Variants in SLC10A6 observed in about 807,000 individuals in gnomAD.
SLC10A6 encodes the protein sodium-dependent organic anion transporter.
SLC10A6 carries 27 observed loss-of-function variants against 30.0 expected under a neutral mutation model. The observed-to-expected ratio is 0.90, with a 90% CI of 0.66 to 1.24. SLC10A6 has a LOEUF of 1.24. Ranked by LOEUF, SLC10A6 falls within the 50% of genes most tolerant of loss-of-function variation. The probability of loss-of-function intolerance (pLI) is 0.00; values close to 1 mark genes in which losing one functional copy is unlikely to be tolerated. For missense variants in SLC10A6, 439 were observed against 457.0 expected (o/e 0.96, Z 0.36); for synonymous variants, 166 against 173.8 (o/e 0.95, Z 0.36).
rs560447805 is a variant in SLC10A6, at chr4:86,839,909, T to A, written c.378-6485A>T. Among the ~76,000 whole-genome samples the A allele has an allele frequency of 1.3e-4, 20 of 150,964 alleles. No homozygotes were observed. The South Asian group carries it at 1.7e-3, about 13-fold the overall frequency. On this transcript the variant is annotated intron_variant, in intron 1 of 5. Coordinates refer to ENST00000273905, the MANE Select transcript of SLC10A6 (RefSeq NM_197965.3). Reference sequence around the variant, plus strand: ...TCACTCTTGTTACACTCTTATTTTTTTTTTTTATTTTTTTTTTTTAGCTGG... The same window carrying A: ...TCACTCTTGTTACACTCTTATTTTTATTTTTTATTTTTTTTTTTTAGCTGG...
chr4:86,833,546 C>T, intron 1 of SLC10A6, 122 bp from the exon 2 acceptor site: 1 of 643,244 alleles, frequency 1.6e-6, no homozygotes, highest in Non-Finnish European at 2.7e-6. Flanking sequence ...CTCCTTGGAG[C>T]TCATTTCTCT....
At chr4:86,842,707 A>AAAAAAG (rs1553899546) in intron 1 of SLC10A6, among the ~76,000 whole-genome samples, 1 of 87,608 alleles carries the variant, frequency 1.1e-5, no homozygotes, top group African/African-American at 4.8e-5. Context: ...CAAAAAAAAA[A>AAAAAAG]AAAAGAAAAG....
intron 1 of SLC10A6, among the ~76,000 whole-genome samples, chr4:86,842,847 T>TTTCTTTCTTTCTTTCG (rs1560461874): frequency 5.6e-5 from 3 of 53,816 alleles, no homozygotes; most frequent in African/African-American, 1.4e-4. Context: ...TCTTTCTTTC[T>TTTCTTTCTTTCTTTCG]TTCTTTCTTT....
In SLC10A6 at chr4:86,831,788, T is replaced by C. The variant is rs1254660216; in HGVS notation, c.585+4A>G. The C allele has an allele frequency of 1.9e-6, 3 of 1,611,162 alleles. No individual in the cohort carries two copies. Among genetic ancestry groups the C allele is most frequent in the Admixed American group, 1.7e-5 (1 of 59,934 alleles). On this transcript the variant is annotated splice_donor_region_variant and intron_variant, in intron 3 of 5. Coordinates refer to ENST00000273905, the MANE Select transcript of SLC10A6 (RefSeq NM_197965.3). The stretch of plus-strand genomic sequence containing the variant: ...GTGCCAACAGTGGCCATGAAGTCAC[T>C]CACCTTGAGAATGATTTTGGATTGT...
intron 1 of SLC10A6, 97 bp from the exon 2 acceptor site, chr4:86,833,521 A>T (rs1746124866): frequency 1.2e-6 from 1 of 844,884 alleles, no homozygotes; most frequent in Non-Finnish European, 2.0e-6. Context: ...TTTCCTAGAG[A>T]TTACATGGAC....
chr4:86,839,677 T>C (rs1746258011), intron 1 of SLC10A6, among the ~76,000 whole-genome samples: 2 of 152,248 alleles, frequency 1.3e-5, no homozygotes, highest in African/African-American at 2.4e-5. Flanking sequence ...AATGTTATAA[T>C]AAACACTCTC....
At chr4:86,837,961 G>C (rs1373192077) in intron 1 of SLC10A6, among the ~76,000 whole-genome samples, 1 of 152,130 alleles carries the variant, frequency 6.6e-6, no homozygotes, top group Non-Finnish European at 1.5e-5. Flanking sequence ...GCACTTTATT[G>C]GGTCTACAAG....
chr4:86,838,273 A>T (rs1746232372), intron 1 of SLC10A6, among the ~76,000 whole-genome samples: 1 of 152,188 alleles, frequency 6.6e-6, no homozygotes, highest in South Asian at 2.1e-4. Flanking sequence ...ACATTGGCTC[A>T]TGAATTATAC....
chr4:86,827,633 C>T lies in SLC10A6; in HGVS notation c.761+360G>A, dbSNP rs543542232. ...AAAGAACTAAAATTATCCTTAATTTCGCTACTCAAAATTAAACATTGTTAC... is the reference window on the plus strand; with the variant it reads ...AAAGAACTAAAATTATCCTTAATTTTGCTACTCAAAATTAAACATTGTTAC... On this transcript the variant is annotated intron_variant, in intron 4 of 5. Coordinates refer to ENST00000273905, the MANE Select transcript of SLC10A6 (RefSeq NM_197965.3). Among the ~76,000 whole-genome samples, 216 of 152,190 alleles carry T rather than the reference C, an allele frequency of 1.4e-3. 1 individual carries two copies. The highest frequency in any genetic ancestry group is 5.1e-3 in the African/African-American group (210 of 41,504).
At chr4:86,838,849 G>A (rs1276557218) in intron 1 of SLC10A6, among the ~76,000 whole-genome samples, 1 of 150,478 alleles carries the variant, frequency 6.6e-6, no homozygotes, top group African/African-American at 2.5e-5. Context: ...CTTGAGCCTG[G>A]GAGATGGAGG....
intron 2 of SLC10A6, 38 bp downstream of exon 2, chr4:86,833,268 A>G (rs1578755894): frequency 1.4e-6 from 2 of 1,454,452 alleles, no homozygotes; most frequent in Non-Finnish European, 9.6e-7. Flanking sequence ...TATCATCACC[A>G]TTACTGTTAG....
At position 86,848,953 on chromosome 4, in the gene SLC10A6, TCTCCAC is replaced by T; in HGVS notation, c.157_162del (p.Val53_Glu54del). 2 of 1,614,058 alleles carry T rather than the reference TCTCCAC, an allele frequency of 1.2e-6. No individual in the cohort carries two copies. The highest frequency in any genetic ancestry group is 1.7e-6 in the Non-Finnish European group (2 of 1,180,004). On this transcript the variant is annotated inframe_deletion, in exon 1 of 6. Transcript: ENST00000273905. ...CTGATGTGCGACCACAGCTTCCGGATCTCCACGGAACATCCCAAAGAGAACATGAGC... is the reference window on the plus strand; with the variant it reads ...CTGATGTGCGACCACAGCTTCCGGATGGAACATCCCAAAGAGAACATGAGC...
At chr4:86,827,970 G>A (rs770592330) in intron 4 of SLC10A6, 23 bp downstream of exon 4, 4 of 1,605,426 alleles carry the variant, frequency 2.5e-6, no homozygotes, top group Non-Finnish European at 2.6e-6. Context: ...CCTCAAAAAA[G>A]TTTATGGATA....
intron 1 of SLC10A6, among the ~76,000 whole-genome samples, chr4:86,837,004 G>T (rs184596627): frequency 2.0e-5 from 3 of 151,894 alleles, no homozygotes; most frequent in Admixed American, 2.0e-4. Context: ...TGATCCACCC[G>T]CCTCGGCCTC....
chr4:86,835,972 C>A (rs1746178793), intron 1 of SLC10A6, among the ~76,000 whole-genome samples: 1 of 152,168 alleles, frequency 6.6e-6, no homozygotes, highest in South Asian at 2.1e-4. Flanking sequence ...TTTCTAAAGA[C>A]AATCAGTCTG....
chr4:86,835,713 AAAGAAAGAAAAGGAG>A (rs1746170842), intron 1 of SLC10A6, among the ~76,000 whole-genome samples: 1 of 148,984 alleles, frequency 6.7e-6, no homozygotes, highest in South Asian at 2.1e-4. Flanking sequence ...GAAAAGAAGA[AAAGAAAGAAAAGGAG>A]AAGAAAGAAA....
At chr4:86,844,588 T>G (rs907343931) in intron 1 of SLC10A6, among the ~76,000 whole-genome samples, 2 of 152,228 alleles carry the variant, frequency 1.3e-5, no homozygotes, top group African/African-American at 4.8e-5. Context: ...AGACCTTTTC[T>G]GCTTTGCCTT....
At chr4:86,825,623 A>T (rs1354736251) in intron 4 of SLC10A6, 46 bp from the exon 5 acceptor site, 1 of 1,529,918 alleles carries the variant, frequency 6.5e-7, no homozygotes, top group East Asian at 2.3e-5. Context: ...AGCAATAAGA[A>T]CTATTCTAAT....
In SLC10A6 at chr4:86,848,848, AG is replaced by A. The variant is rs1325800102; in HGVS notation, c.267del (p.Ser91LeufsTer2). The A allele has an allele frequency of 1.2e-6, 2 of 1,614,176 alleles. No individual in the cohort carries two copies. The highest frequency in any genetic ancestry group is 1.7e-6 in the Non-Finnish European group (2 of 1,180,038). Reference protein sequence around the residue: ...MPFTAYLLAISFSLKPVQAIA... With the variant: ...MPFTAYLLAIXFSLKPVQAIA... ...ATAGCTTGGACTGGCTTCAGAGAAA[AG>A]CTAATGGCCAGGAGATAAGCTGTAA... On this transcript the variant is annotated frameshift_variant, in exon 1 of 6. Transcript: ENST00000273905. LOFTEE classifies it high-confidence loss of function.
Sources: allele counts gnomAD v4.1 joint callset (sites outside exome capture counted in the v4.1 genomes callset), GRCh38; gene constraint gnomAD v4.1.1; transcripts MANE v1.5; gene names NCBI Gene and HGNC (gene_info 2026-07-23, HGNC 2026-07-21).